The following PHF20 variants were observed in gnomAD, a reference collection of about 807,000 sequenced individuals.
The protein encoded by PHF20 is glioma-expressed antigen 2.
In PHF20, 23 loss-of-function variants were observed where a neutral mutation model predicts 113.5. The ratio of observed to expected loss-of-function variants is 0.20; its 90% CI spans 0.15 to 0.29. The LOEUF (loss-of-function observed/expected upper bound fraction) is 0.29. Among genes scored for constraint, PHF20 ranks in the 10% least tolerant of loss-of-function variants. PHF20 has a pLI of 1.00. For synonymous variants in PHF20, 434 were observed against 457.3 expected, an observed-to-expected ratio of 0.95 and a Z score of 0.65; for missense variants, 943 against 1,219.6, an observed-to-expected ratio of 0.77 and a Z score of 3.38.
chr20:35,918,008 A>G (rs957541605), intron 13 of PHF20, among the ~76,000 whole-genome samples: 1 of 152,136 alleles, frequency 6.6e-6, no homozygotes, highest in Non-Finnish European at 1.5e-5. Context: ...TAATCTTCCC[A>G]TGGACTCTTA....
chr20:35,908,580 T>C (rs2055241433), intron 10 of PHF20, among the ~76,000 whole-genome samples: 1 of 152,212 alleles, frequency 6.6e-6, no homozygotes, highest in South Asian at 2.1e-4. Context: ...AAAAACTGGA[T>C]CAGGGAGCAG....
intron 9 of PHF20, 37 bp from the exon 10 acceptor site, chr20:35,899,333 T>C: frequency 1.9e-6 from 3 of 1,549,354 alleles, no homozygotes; most frequent in Non-Finnish European, 2.6e-6. Flanking sequence ...CTGGGATAAA[T>C]ACAAGGAACC....
intron 1 of PHF20, among the ~76,000 whole-genome samples, chr20:35,776,358 G>A (rs117479851): frequency 0.021 from 3,163 of 152,198 alleles, 45 homozygotes; most frequent in Non-Finnish European, 0.033. Flanking sequence ...CCCCGACCTC[G>A]AATGGAAGCT....
chr20:35,800,867 G>T (rs6058324), intron 1 of PHF20, among the ~76,000 whole-genome samples: 16,594 of 151,852 alleles, frequency 0.11, 922 homozygotes, highest in South Asian at 0.16. Flanking sequence ...AATTTTTTTT[G>T]TTTTTAAGAG....
intron 3 of PHF20, chr20:35,845,268 T>TTA (rs1367974506): frequency 6.6e-6 from 1 of 152,280 alleles, no homozygotes; most frequent in Non-Finnish European, 1.5e-5. Flanking sequence ...AATTTTTTTA[T>TTA]TATACTTTAA....
intron 2 of PHF20, among the ~76,000 whole-genome samples, chr20:35,842,214 C>T (rs570361990): frequency 2.6e-5 from 4 of 152,138 alleles, no homozygotes; most frequent in South Asian, 2.1e-4. Flanking sequence ...GGCATGGTGG[C>T]GGGCGCTGTA....
At chr20:35,933,749 T>C (rs1336763479) in intron 15 of PHF20, among the ~76,000 whole-genome samples, 1 of 152,128 alleles carries the variant, frequency 6.6e-6, no homozygotes, top group Non-Finnish European at 1.5e-5. Context: ...GCCAGGCTGG[T>C]CTCGAGCTCC....
intron 2 of PHF20, among the ~76,000 whole-genome samples, chr20:35,822,149 A>G (rs1298557599): frequency 6.6e-6 from 1 of 152,208 alleles, no homozygotes; most frequent in Non-Finnish European, 1.5e-5. Context: ...CACGCCTGTA[A>G]TCCCAGGACT....
At chr20:35,787,126 G>GGAC in intron 1 of PHF20, among the ~76,000 whole-genome samples, 2 of 151,500 alleles carry the variant, frequency 1.3e-5, no homozygotes, top group Admixed American at 1.3e-4. Flanking sequence ...TGAGTAGCTA[G>GGAC]GACGACAGGT....
intron 1 of PHF20, among the ~76,000 whole-genome samples, chr20:35,777,193 T>C (rs1367095269): frequency 2.0e-5 from 3 of 152,230 alleles, no homozygotes; most frequent in African/African-American, 7.2e-5. Flanking sequence ...AGAAGGAGTC[T>C]GTACCTTATA....
intron 13 of PHF20, among the ~76,000 whole-genome samples, chr20:35,919,682 C>A (rs1038257064): frequency 6.6e-6 from 1 of 152,158 alleles, no homozygotes; most frequent in Non-Finnish European, 1.5e-5. Context: ...ACTCAACAAT[C>A]CCCTTTCCTT....
At chr20:35,845,706 G>A (rs2042611336) in intron 3 of PHF20, among the ~76,000 whole-genome samples, 1 of 151,866 alleles carries the variant, frequency 6.6e-6, no homozygotes, top group Admixed American at 6.6e-5. Flanking sequence ...TTTTAAACAG[G>A]CATTGAGACA....
At position 35,896,658 on chromosome 20, in the gene PHF20, G is replaced by A. The variant is rs144342391; in HGVS notation, c.1283-2712G>A. Among the ~76,000 whole-genome samples, 40 of 151,280 alleles carry A rather than the reference G, an allele frequency of 2.6e-4. No homozygotes were observed. The South Asian group carries it at 5.2e-3, about 20-fold the overall frequency. ...CTAAAGCTATGAAAAAAAAAAAACT[G>A]GACGTGGTGGTGGGCATCTGTAATC... On this transcript the variant is annotated intron_variant, in intron 9 of 17. Transcript: ENST00000374012.
At chr20:35,858,680 C>T (rs1240993344) in intron 5 of PHF20, among the ~76,000 whole-genome samples, 2 of 152,234 alleles carry the variant, frequency 1.3e-5, no homozygotes, top group African/African-American at 4.8e-5. Flanking sequence ...AAGCAATTCT[C>T]CTGTCTCAGC....
chr20:35,841,772 AAAAC>A (rs201612161), intron 2 of PHF20, among the ~76,000 whole-genome samples: 7,723 of 152,228 alleles, frequency 0.051, 246 homozygotes, highest in African/African-American at 0.099. Context: ...CTGTCTCAAA[AAAAC>A]AAACAAACAA....
At chr20:35,854,400 T>C (rs1371148962) in intron 4 of PHF20, among the ~76,000 whole-genome samples, 2 of 152,224 alleles carry the variant, frequency 1.3e-5, no homozygotes, top group African/African-American at 2.4e-5. Flanking sequence ...TACACTTATT[T>C]TGAGTTCCTT....
At chr20:35,931,214 G>A (rs542663508) in intron 14 of PHF20, 35 bp from the exon 15 acceptor site, 2 of 1,522,304 alleles carry the variant, frequency 1.3e-6, no homozygotes, top group Non-Finnish European at 1.8e-6. Flanking sequence ...TTTCCTTCAG[G>A]CCTTGTTTTA....
intron 2 of PHF20, among the ~76,000 whole-genome samples, chr20:35,837,522 T>G (rs2146929986): frequency 6.6e-6 from 1 of 152,362 alleles, no homozygotes; most frequent in South Asian, 2.1e-4. Flanking sequence ...ATCTCTTTTG[T>G]TAACTCTGTC....
rs567036410 is a variant in PHF20 at position 35,804,068 on chromosome 20, C to T, written c.83+2463C>T. On this transcript the variant is annotated intron_variant, in intron 2 of 17. Coordinates refer to ENST00000374012, the MANE Select transcript of PHF20 (RefSeq NM_016436.5). ...GTTTATCTAGTCCCCTACTAATGGA[C>T]GTTTGTTTGTTTGTTTATTTATTTA... 1.4e-3 allele frequency among the ~76,000 whole-genome samples: 217 copies of T among 151,614 alleles called. 1 individual carries two copies. The highest frequency in any genetic ancestry group is 4.4e-3 in the South Asian group (21 of 4,788).
Sources: allele counts gnomAD v4.1 joint callset (sites outside exome capture counted in the v4.1 genomes callset), GRCh38; gene constraint gnomAD v4.1.1; transcripts MANE v1.5; gene names NCBI Gene and HGNC (gene_info 2026-07-23, HGNC 2026-07-21).